The following SLC25A13 variants were observed in gnomAD, a reference collection of about 807,000 sequenced individuals.
SLC25A13 encodes electrogenic aspartate/glutamate antiporter SLC25A13, mitochondrial.
Under a neutral mutation model 85.5 loss-of-function variants are expected in SLC25A13, and 70 were observed. The ratio of observed to expected loss-of-function variants is 0.82; its 90% CI spans 0.68 to 1.00. SLC25A13 has a LOEUF of 1.00. Among genes scored for constraint, SLC25A13 ranks in the 50% least tolerant of loss-of-function variants. SLC25A13 has a pLI of 0.00. For synonymous variants in SLC25A13, 259 were observed against 288.7 expected (o/e 0.90, Z 1.04); for missense variants, 765 against 819.8 (o/e 0.93, Z 0.82).
chr7:96,140,675 T>C (rs1341977308), intron 14 of SLC25A13, among the ~76,000 whole-genome samples: 2 of 152,108 alleles, frequency 1.3e-5, no homozygotes, highest in Non-Finnish European at 2.9e-5. Flanking sequence ...AGTGCTGGGA[T>C]TACAGGCGTC....
chr7:96,288,217 G>A (rs1005452814), intron 2 of SLC25A13, among the ~76,000 whole-genome samples: 4 of 152,194 alleles, frequency 2.6e-5, no homozygotes, highest in African/African-American at 9.6e-5. Context: ...GATCACTTGA[G>A]GTCAGAAGTT....
chr7:96,147,400 C>CA (rs542300923), intron 13 of SLC25A13, among the ~76,000 whole-genome samples: 120 of 152,216 alleles, frequency 7.9e-4, no homozygotes, highest in African/African-American at 2.8e-3. Context: ...AATTACCAAC[C>CA]AAACTTTGAA....
rs190183171 is a variant in SLC25A13, at chr7:96,198,337, A to C, written c.469-5154T>G. ...TTTTTGTCCAGGTGAAAGGTTTAAA[A>C]ACCTCTAAAGTCTCTTGCAATATGA... On this transcript the variant is annotated intron_variant, in intron 5 of 17. Transcript: ENST00000265631. Among the ~76,000 whole-genome samples the C allele has an allele frequency of 1.7e-3, 260 of 152,288 alleles. 1 individual carries two copies. The highest frequency in any genetic ancestry group is 2.3e-3 in the Non-Finnish European group (156 of 68,020).
intron 15 of SLC25A13, among the ~76,000 whole-genome samples, chr7:96,130,290 C>G (rs1791966540): frequency 6.6e-6 from 1 of 152,210 alleles, no homozygotes; most frequent in Non-Finnish European, 1.5e-5. Flanking sequence ...TACTTAACTT[C>G]TAATTTCACA....
chr7:96,194,022 C>T (rs1465045863), intron 5 of SLC25A13, among the ~76,000 whole-genome samples: 1 of 152,206 alleles, frequency 6.6e-6, no homozygotes, highest in Non-Finnish European at 1.5e-5. Flanking sequence ...TCAAAACTCA[C>T]TGTGCACTAT....
intron 14 of SLC25A13, among the ~76,000 whole-genome samples, chr7:96,145,055 A>G (rs958435511): frequency 6.6e-6 from 1 of 152,120 alleles, no homozygotes; most frequent in Admixed American, 6.6e-5. Flanking sequence ...AACAGTGTTT[A>G]TTTTTTACAG....
intron 9 of SLC25A13, among the ~76,000 whole-genome samples, chr7:96,187,070 C>T (rs886582481): frequency 2.6e-5 from 4 of 152,100 alleles, no homozygotes; most frequent in Admixed American, 6.5e-5. Context: ...ACCTATTATC[C>T]TCACAGTGTT....
intron 14 of SLC25A13, among the ~76,000 whole-genome samples, chr7:96,132,412 T>C (rs190023340): frequency 6.6e-6 from 1 of 152,358 alleles, no homozygotes; most frequent in Non-Finnish European, 1.5e-5. Context: ...TGGATCCTTC[T>C]AATTTTATTA....
At chr7:96,157,947 C>T (rs2116527218) in intron 13 of SLC25A13, among the ~76,000 whole-genome samples, 1 of 152,316 alleles carries the variant, frequency 6.6e-6, no homozygotes, top group Non-Finnish European at 1.5e-5. Flanking sequence ...TCATAATATA[C>T]TTTAGGTCCA....
chr7:96,285,060 C>T (rs115885500), intron 2 of SLC25A13, among the ~76,000 whole-genome samples: 3,165 of 152,226 alleles, frequency 0.021, 69 homozygotes, highest in African/African-American at 0.055. Context: ...CAATAGCACG[C>T]ATCATCTCTT....
At chr7:96,321,162 G>C (rs772393302) in intron 1 of SLC25A13, among the ~76,000 whole-genome samples, 4 of 152,202 alleles carry the variant, frequency 2.6e-5, no homozygotes, top group Non-Finnish European at 5.9e-5. Flanking sequence ...AAAGAGGAAA[G>C]GTCAAGTGTT....
rs1794004710 is a variant in SLC25A13 at position 96,171,577 on chromosome 7, C to G, written c.1178-53G>C. On this transcript the variant is annotated intron_variant, in intron 11 of 17. Coordinates refer to ENST00000265631, the MANE Select transcript of SLC25A13 (RefSeq NM_014251.3). ...ATTAAATAAATTAGCATTAACTAAA[C>G]AAATCAACAGTTCTACAGAGGGGAT... 41 of 1,483,304 alleles carry G rather than the reference C, an allele frequency of 2.8e-5. 1 individual carries two copies. In the Middle Eastern group the frequency reaches 5.5e-4, roughly 20 times the overall value. The allele number at this position is 1,483,304 out of a possible 1,614,324, so 91.9% of individuals were successfully genotyped here. A position where few individuals can be genotyped will look rare whatever the true frequency, so the allele number is the denominator to read the frequency against.
intron 3 of SLC25A13, among the ~76,000 whole-genome samples, chr7:96,267,705 T>C (rs1798087922): frequency 6.7e-6 from 1 of 149,624 alleles, no homozygotes; most frequent in Non-Finnish European, 1.5e-5. Flanking sequence ...TCGCAGCTAC[T>C]GGGGAGGCTG....
At chr7:96,285,275 G>A (rs1466578563) in intron 2 of SLC25A13, among the ~76,000 whole-genome samples, 2 of 152,054 alleles carry the variant, frequency 1.3e-5, no homozygotes, top group Non-Finnish European at 1.5e-5. Context: ...CTAACTTGTG[G>A]CCTTGCTGCA....
intron 1 of SLC25A13, among the ~76,000 whole-genome samples, chr7:96,320,586 G>C (rs1800302982): frequency 1.3e-5 from 2 of 152,166 alleles, no homozygotes; most frequent in African/African-American, 2.4e-5. Context: ...TTGAATCCTA[G>C]TGATGCTCAG....
chr7:96,202,059 T>A (rs1346789336), intron 5 of SLC25A13, among the ~76,000 whole-genome samples: 1 of 152,168 alleles, frequency 6.6e-6, no homozygotes, highest in South Asian at 2.1e-4. Context: ...AGAAAAGAAG[T>A]AGGCTGACCT....
At chr7:96,213,558 T>C (rs1389545392) in intron 4 of SLC25A13, among the ~76,000 whole-genome samples, 1 of 152,166 alleles carries the variant, frequency 6.6e-6, no homozygotes, top group African/African-American at 2.4e-5. Flanking sequence ...ACCAAACCCG[T>C]ACCATTCCCT....
chr7:96,227,913 G>C (rs1404641455), intron 4 of SLC25A13, among the ~76,000 whole-genome samples: 1 of 152,118 alleles, frequency 6.6e-6, no homozygotes, highest in Non-Finnish European at 1.5e-5. Context: ...CACCCAGGCT[G>C]GAGTGCAATG....
chr7:96,145,784 T>C (rs949676081), intron 14 of SLC25A13, among the ~76,000 whole-genome samples: 3 of 152,226 alleles, frequency 2.0e-5, no homozygotes, highest in Non-Finnish European at 2.9e-5. Context: ...TATTTCTTGA[T>C]ATGTGTTTAT....
Sources: allele counts gnomAD v4.1 joint callset (sites outside exome capture counted in the v4.1 genomes callset), GRCh38; gene constraint gnomAD v4.1.1; transcripts MANE v1.5; gene names NCBI Gene and HGNC (gene_info 2026-07-23, HGNC 2026-07-21).